NRDE2: variants seen among roughly 807,000 people sequenced by gnomAD.
NRDE2 encodes the protein NRDE-2, necessary for RNA interference, domain containing.
NRDE2 carries 76 observed loss-of-function variants against 124.2 expected under a neutral mutation model. That is an observed-to-expected ratio of 0.61 (90% confidence interval 0.51 to 0.74). The LOEUF is 0.74. Ranked by LOEUF, NRDE2 falls within the 30% of genes least tolerant of loss-of-function variation. The probability of loss-of-function intolerance (pLI) is 0.00; values close to 1 mark genes in which losing one functional copy is unlikely to be tolerated. For synonymous variants in NRDE2, 489 were observed against 528.1 expected (o/e 0.93, Z 1.01); for missense variants, 1,314 against 1,417.3 (o/e 0.93, Z 1.17).
intron 1 of NRDE2, among the ~76,000 whole-genome samples, chr14:90,329,004 G>A (rs1046478319): frequency 4.6e-5 from 7 of 152,294 alleles, no homozygotes; most frequent in African/African-American, 1.7e-4. Context: ...AAAATGACCA[G>A]AAAAGAATTA....
chr14:90,288,570 G>A lies in NRDE2; in HGVS notation c.2805C>T (p.Asn935=). ...CAGAGCCTTCTGGGAAAACAGAACT[G>A]TTCAGTTTTGCAAACACCTGTTCGT... ...QIYEQVFAKL[N]SSVFPEGSGE... is the part of the protein sequence containing the mutation. Residue 935 remains asparagine (N), a synonymous_variant, in exon 11 of 14, where the codon AAC becomes AAT. Coordinates refer to ENST00000354366, the MANE Select transcript of NRDE2 (RefSeq NM_017970.4). The A allele has an allele frequency of 6.2e-7, 1 of 1,614,180 alleles. No homozygotes were observed. Among genetic ancestry groups the A allele is most frequent in the Non-Finnish European group, 8.5e-7 (1 of 1,180,032 alleles).
rs1891854498 is a variant in NRDE2, at chr14:90,278,334, C to T, written c.*2G>A. ...AGGCACAGCCCGTTTTCCCGCTGCT[C>T]TCTAATCCTCCAGCAGCAGCTCCAG... On this transcript the variant is annotated 3_prime_UTR_variant, in exon 14 of 14. Transcript: ENST00000354366. 1.9e-6 allele frequency: 3 copies of T among 1,613,812 alleles called. No individual in the cohort carries two copies. Among genetic ancestry groups the T allele is most frequent in the African/African-American group, 1.3e-5 (1 of 74,724 alleles).
chr14:90,286,854 C>T (rs1383621014), intron 11 of NRDE2, among the ~76,000 whole-genome samples: 1 of 151,968 alleles, frequency 6.6e-6, no homozygotes, highest in African/African-American at 2.4e-5. Context: ...GGAGACCAGA[C>T]TGGCCAATAT....
chr14:90,278,855 A>G, intron 13 of NRDE2: 1 of 625,716 alleles, frequency 1.6e-6, no homozygotes, highest in Non-Finnish European at 2.9e-6. Flanking sequence ...ACTTCCATGA[A>G]GCACCAGCCC....
At chr14:90,287,033 C>CAAA (rs60863011) in intron 11 of NRDE2, among the ~76,000 whole-genome samples, 1,495 of 23,646 alleles carry the variant, frequency 0.063, 285 homozygotes, top group Non-Finnish European at 0.093. Flanking sequence ...GACTCCGTCT[C>CAAA]AAAAAAAAAA....
intron 3 of NRDE2, 60 bp downstream of exon 3, chr14:90,316,518 A>C: frequency 6.6e-6 from 8 of 1,220,736 alleles, no homozygotes; most frequent in Non-Finnish European, 8.3e-6. Context: ...TTGCGGCAAC[A>C]ATTAAGGGAG....
At chr14:90,293,924 G>C (rs1490075430) in intron 8 of NRDE2, among the ~76,000 whole-genome samples, 5 of 152,160 alleles carry the variant, frequency 3.3e-5, no homozygotes, top group African/African-American at 1.2e-4. Context: ...CATGCACTTA[G>C]CATAACTGCA....
chr14:90,306,901 C>T (rs1450707275), intron 4 of NRDE2, among the ~76,000 whole-genome samples: 1 of 152,058 alleles, frequency 6.6e-6, no homozygotes, highest in African/African-American at 2.4e-5. Context: ...TTTTGTTCTC[C>T]TTTATCCTCT....
rs199765012 is a variant in NRDE2 at position 90,289,047 on chromosome 14, G to C, written c.2328C>G (p.Asn776Lys). ...LAKNLLKEPE[N>K]CNNFCLWKQY... ...GCTTCCACAGGCAAAAGTTGTTGCA[G>C]TTTTCTGGCTCCTTAAGGAGATTCT... Residue 776 changes from asparagine (N) to lysine (K), a missense_variant, in exon 11 of 14, where the codon AAC becomes AAG. Transcript: ENST00000354366. 58 of 1,614,054 alleles carry C rather than the reference G, an allele frequency of 3.6e-5. No homozygotes were observed. Among genetic ancestry groups the C allele is most frequent in the Non-Finnish European group, 4.6e-5 (54 of 1,180,016 alleles).
At chr14:90,326,738 C>T (rs944831564) in intron 1 of NRDE2, among the ~76,000 whole-genome samples, 1 of 152,088 alleles carries the variant, frequency 6.6e-6, no homozygotes, top group African/African-American at 2.4e-5. Flanking sequence ...AAAAGAAAAA[C>T]AATCCCTAAA....
rs565212096 is a variant in NRDE2 at position 90,277,512 on chromosome 14, T to C, written c.*824A>G. ...TGACATTTCATTCTGTTCACAGCCCTCGAATGCAACACCAGAACCAGGCCA... is the reference window on the plus strand; with the variant it reads ...TGACATTTCATTCTGTTCACAGCCCCCGAATGCAACACCAGAACCAGGCCA... On this transcript the variant is annotated 3_prime_UTR_variant, in exon 14 of 14. Coordinates refer to ENST00000354366, the MANE Select transcript of NRDE2 (RefSeq NM_017970.4). 6.6e-6 allele frequency: 1 copy of C among 152,388 alleles called. No homozygotes were observed. The highest frequency in any genetic ancestry group is 1.9e-4 in the East Asian group (1 of 5,186). 9.4% of individuals were successfully genotyped at this position (152,388 alleles called of 1,614,324 possible).
intron 4 of NRDE2, among the ~76,000 whole-genome samples, chr14:90,306,178 C>T (rs556603941): frequency 4.6e-5 from 7 of 152,218 alleles, no homozygotes; most frequent in East Asian, 1.9e-4. Flanking sequence ...CCGGAAATGC[C>T]GTGGGGAGAA....
At chr14:90,294,840 TA>T (rs1236462802) in intron 8 of NRDE2, among the ~76,000 whole-genome samples, 32 of 152,206 alleles carry the variant, frequency 2.1e-4, no homozygotes, top group Admixed American at 2.1e-3. Context: ...ATTTTACAAC[TA>T]AAAAATTTTG....
At chr14:90,278,693 G>C (rs1891868991) in intron 13 of NRDE2, 1 of 558,634 alleles carries the variant, frequency 1.8e-6, no homozygotes, top group East Asian at 3.0e-5. Flanking sequence ...CTTTTAAAAG[G>C]GGTCCAGGAA....
intron 12 of NRDE2, among the ~76,000 whole-genome samples, chr14:90,285,272 A>C (rs534602837): frequency 7.2e-6 from 1 of 139,500 alleles, no homozygotes; most frequent in South Asian, 2.2e-4. Flanking sequence ...CCTTGTCTTA[A>C]AAAAAAAAAA....
chr14:90,293,651 A>G (rs1176940025), intron 8 of NRDE2, among the ~76,000 whole-genome samples: 2 of 152,250 alleles, frequency 1.3e-5, no homozygotes, highest in African/African-American at 4.8e-5. Flanking sequence ...TGATGATGGC[A>G]CTAGTTTAGA....
At chr14:90,287,627 TAAAAATAA>T (rs1421678112) in intron 11 of NRDE2, among the ~76,000 whole-genome samples, 3 of 151,398 alleles carry the variant, frequency 2.0e-5, no homozygotes, top group Non-Finnish European at 4.4e-5. Context: ...TCTCAAAAAA[TAAAAATAA>T]AAAAAGAAAA....
chr14:90,272,618 C>T lies in NRDE2; in HGVS notation c.*5718G>A, dbSNP rs1891699403. On this transcript the variant is annotated 3_prime_UTR_variant, in exon 14 of 14. Coordinates refer to ENST00000354366, the MANE Select transcript of NRDE2 (RefSeq NM_017970.4). The surrounding 1 kb of genome is among the most constrained non-coding windows in gnomAD (Gnocchi z 4.5). ...TGCTTCCCAATAAAGCGTGCTCTTT[C>T]ACAAACACTTCCTGTTTCTGCAGTC... The T allele has an allele frequency of 2.1e-6, 1 of 468,942 alleles. No homozygotes were observed. The highest frequency in any genetic ancestry group is 5.7e-4 in the Middle Eastern group (1 of 1,746). 29.0% of individuals were successfully genotyped at this position (468,942 alleles called of 1,614,324 possible).
intron 2 of NRDE2, among the ~76,000 whole-genome samples, chr14:90,317,496 C>T (rs976036735): frequency 6.6e-6 from 1 of 152,154 alleles, no homozygotes; most frequent in Non-Finnish European, 1.5e-5. Flanking sequence ...TACCGGGTTT[C>T]ACAACCTATT....
Sources: allele counts gnomAD v4.1 joint callset (sites outside exome capture counted in the v4.1 genomes callset), GRCh38; gene constraint gnomAD v4.1.1; non-coding constraint Gnocchi (gnomAD v3.1); transcripts MANE v1.5; gene names NCBI Gene and HGNC (gene_info 2026-07-23, HGNC 2026-07-21).